Variants in PARN observed in about 807,000 individuals in gnomAD.
The protein encoded by PARN is poly(A)-specific ribonuclease.
Under a neutral mutation model 102.8 loss-of-function variants are expected in PARN, and 71 were observed. That is an observed-to-expected ratio of 0.69 (90% confidence interval 0.57 to 0.84). PARN has a LOEUF of 0.84. Ranked by LOEUF, PARN falls within the 40% of genes least tolerant of loss-of-function variation. The probability of loss-of-function intolerance (pLI) is 0.00; values close to 1 mark genes in which losing one functional copy is unlikely to be tolerated. For synonymous variants in PARN, 261 were observed against 252.9 expected, an observed-to-expected ratio of 1.03 and a Z score of -0.30; for missense variants, 782 against 760.9, an observed-to-expected ratio of 1.03 and a Z score of -0.33.
intron 13 of PARN, among the ~76,000 whole-genome samples, chr16:14,591,186 C>T (rs1330354359): frequency 3.3e-5 from 5 of 151,602 alleles, no homozygotes; most frequent in Non-Finnish European, 4.4e-5. Flanking sequence ...GCCAGGAGAT[C>T]GAGACCATCC....
chr16:14,609,847 A>C (rs1355257988), intron 7 of PARN, among the ~76,000 whole-genome samples: 1 of 152,240 alleles, frequency 6.6e-6, no homozygotes, highest in Non-Finnish European at 1.5e-5. Flanking sequence ...CTCTGCCTTC[A>C]AGGACATTGG....
intron 21 of PARN, among the ~76,000 whole-genome samples, chr16:14,525,011 AAC>A (rs1231604641): frequency 5.9e-5 from 9 of 152,240 alleles, no homozygotes; most frequent in Admixed American, 5.9e-4. Context: ...CAGATTTTAA[AAC>A]AGTCTATAAC....
intron 21 of PARN, among the ~76,000 whole-genome samples, chr16:14,495,719 G>A (rs1347785086): frequency 6.6e-6 from 1 of 152,182 alleles, no homozygotes; most frequent in Non-Finnish European, 1.5e-5. Context: ...TTGAACAGGT[G>A]GAAGGAATTC....
chr16:14,532,194 TA>T (rs373143309), intron 21 of PARN, among the ~76,000 whole-genome samples: 4,087 of 148,996 alleles, frequency 0.027, 79 homozygotes, highest in Non-Finnish European at 0.04. Context: ...TTTTTTTTTT[TA>T]ATTGTTCATT....
At chr16:14,609,869 C>CAGGT (rs1028784833) in intron 7 of PARN, among the ~76,000 whole-genome samples, 1 of 152,098 alleles carries the variant, frequency 6.6e-6, no homozygotes, top group African/African-American at 2.4e-5. Flanking sequence ...CAGTGGCTGT[C>CAGGT]AGGTATTCAG....
chr16:14,579,266 C>A (rs1268886968), intron 18 of PARN, among the ~76,000 whole-genome samples: 1 of 152,208 alleles, frequency 6.6e-6, no homozygotes, highest in Non-Finnish European at 1.5e-5. Context: ...CTATACCCAG[C>A]CCAGCTAAGC....
intron 23 of PARN, among the ~76,000 whole-genome samples, chr16:14,438,803 T>TG (rs1328557105): frequency 6.6e-6 from 1 of 152,178 alleles, no homozygotes; most frequent in Non-Finnish European, 1.5e-5. Context: ...CCTGTACAGC[T>TG]GCTGAGCGAG....
chr16:14,622,627 C>T (rs1972383883), intron 5 of PARN, among the ~76,000 whole-genome samples: 1 of 152,220 alleles, frequency 6.6e-6, no homozygotes, highest in Non-Finnish European at 1.5e-5. Flanking sequence ...GCCTCAGCCT[C>T]CCGAGTAGCT....
intron 22 of PARN, among the ~76,000 whole-genome samples, chr16:14,474,042 G>C (rs1962903208): frequency 6.6e-6 from 1 of 152,170 alleles, no homozygotes; most frequent in Non-Finnish European, 1.5e-5. Context: ...ACCCAGGCTG[G>C]AGTGCAGTGG....
chr16:14,539,079 A>C (rs1009750100), intron 21 of PARN, among the ~76,000 whole-genome samples: 4 of 152,216 alleles, frequency 2.6e-5, no homozygotes, highest in Non-Finnish European at 5.9e-5. Flanking sequence ...CAATGTAATA[A>C]TAACCGAAAT....
intron 23 of PARN, among the ~76,000 whole-genome samples, chr16:14,441,560 G>A (rs1395918060): frequency 2.0e-5 from 3 of 152,204 alleles, no homozygotes; most frequent in East Asian, 1.9e-4. Flanking sequence ...AAGGGGGTAC[G>A]CCCTGGGGCC....
At chr16:14,470,927 C>A (rs893964152) in intron 22 of PARN, among the ~76,000 whole-genome samples, 1 of 152,118 alleles carries the variant, frequency 6.6e-6, no homozygotes, top group East Asian at 1.9e-4. Context: ...CAGGCATGAG[C>A]CACCATGCCT....
At chr16:14,454,592 G>A (rs1304591285) in intron 22 of PARN, among the ~76,000 whole-genome samples, 1 of 151,954 alleles carries the variant, frequency 6.6e-6, no homozygotes, top group Non-Finnish European at 1.5e-5. Flanking sequence ...TTTAAATGTG[G>A]TGTAACATAA....
chr16:14,475,241 G>A (rs1273503657), intron 22 of PARN, among the ~76,000 whole-genome samples: 1 of 152,202 alleles, frequency 6.6e-6, no homozygotes, highest in Non-Finnish European at 1.5e-5. Flanking sequence ...CCTTTAATTA[G>A]AGAACATTAC....
Position 14,586,032 on chromosome 16 carries a change from G to C in PARN, c.962+286C>G, listed in dbSNP as rs189206839. On this transcript the variant is annotated intron_variant, in intron 14 of 23. Coordinates refer to ENST00000437198, the MANE Select transcript of PARN (RefSeq NM_002582.4). ...GGATCTCACTCTGTCACCCAGGCTG[G>C]ATAGTAGCACTATTATGGCTCACTG... is the stretch of plus-strand genomic sequence containing the variant. Among the ~76,000 whole-genome samples the C allele has an allele frequency of 2.0e-3, 300 of 149,246 alleles. 1 individual carries two copies. The highest frequency in any genetic ancestry group is 7.0e-3 in the African/African-American group (285 of 40,468).
intron 21 of PARN, among the ~76,000 whole-genome samples, chr16:14,551,146 C>T (rs1200944695): frequency 2.0e-5 from 3 of 151,644 alleles, no homozygotes; most frequent in Non-Finnish European, 2.9e-5. Flanking sequence ...TGGCCAGGCT[C>T]GTCTCGAACT....
At chr16:14,544,393 G>A (rs1312767389) in intron 21 of PARN, among the ~76,000 whole-genome samples, 1 of 151,934 alleles carries the variant, frequency 6.6e-6, no homozygotes, top group African/African-American at 2.4e-5. Flanking sequence ...TGGGCAACAT[G>A]GCAAAACCCT....
At chr16:14,563,450 G>A (rs922726023) in intron 18 of PARN, among the ~76,000 whole-genome samples, 5 of 151,358 alleles carry the variant, frequency 3.3e-5, no homozygotes, top group African/African-American at 9.7e-5. Flanking sequence ...TGCTGACCAC[G>A]AGTTTTAATG....
In PARN at chr16:14,535,054, G is replaced by A. The variant is rs370675239; in HGVS notation, c.1480+16967C>T. 1.2e-4 allele frequency among the ~76,000 whole-genome samples: 18 copies of A among 152,236 alleles called. No homozygotes were observed. The South Asian group carries it at 1.5e-3, about 12-fold the overall frequency. On this transcript the variant is annotated intron_variant, in intron 21 of 23. Coordinates refer to ENST00000437198, the MANE Select transcript of PARN (RefSeq NM_002582.4). The stretch of plus-strand genomic sequence containing the variant: ...TCTCCATGTTGGTCAGGCTGGTCTC[G>A]AACTCCCGACCTCAGGTGATCCGCT...
Sources: gnomAD v4.1 joint callset for allele counts (sites outside exome capture counted in the v4.1 genomes callset) on GRCh38, gnomAD v4.1.1 for gene constraint, MANE v1.5 for transcripts, NCBI Gene and HGNC (gene_info 2026-07-23, HGNC 2026-07-21) for gene names.